LARGE1: variants seen among roughly 807,000 people sequenced by gnomAD.
LARGE1 encodes xylosyl- and glucuronyltransferase LARGE1.
LARGE1 carries 43 observed loss-of-function variants against 87.6 expected under a neutral mutation model. The ratio of observed to expected loss-of-function variants is 0.49; its 90% CI spans 0.38 to 0.63. The LOEUF is 0.63. LARGE1 is among the 30% of genes least tolerant of loss of function. The pLI is 0.00. For missense variants in LARGE1, 802 were observed against 1,000.2 expected (o/e 0.80, Z 2.67); for synonymous variants, 434 against 394.6 (o/e 1.10, Z -1.18).
intron 9 of LARGE1, among the ~76,000 whole-genome samples, chr22:33,376,599 T>C (rs781175663): frequency 6.6e-6 from 1 of 152,238 alleles, no homozygotes; most frequent in Non-Finnish European, 1.5e-5. Context: ...CATAATGATA[T>C]AACAAAGCCT....
Position 33,398,471 on chromosome 22 carries a change from T to C in LARGE1, c.893-14167A>G, listed in dbSNP as rs5998920. ...AAGCTCATCTCAGCTTTCCTTAGTCTGTTTAGACTCACTTGCCGAACTAGA... is the reference window on the plus strand; with the variant it reads ...AAGCTCATCTCAGCTTTCCTTAGTCCGTTTAGACTCACTTGCCGAACTAGA... On this transcript the variant is annotated intron_variant, in intron 7 of 14. Coordinates refer to ENST00000397394, the MANE Select transcript of LARGE1 (RefSeq NM_133642.5). 8.8e-3 allele frequency among the ~76,000 whole-genome samples: 1,344 copies of C among 152,324 alleles called. 19 individuals are homozygous for C. Among genetic ancestry groups the C allele is most frequent in the African/African-American group, 0.031 (1,272 of 41,560 alleles).
chr22:33,787,503 C>T (rs994812635), intron 1 of LARGE1, among the ~76,000 whole-genome samples: 1 of 152,148 alleles, frequency 6.6e-6, no homozygotes, highest in Admixed American at 6.5e-5. Context: ...ATTTTATGAC[C>T]AGTCCTGCCT....
chr22:33,597,918 A>T (rs748225797), intron 5 of LARGE1, among the ~76,000 whole-genome samples: 38 of 152,166 alleles, frequency 2.5e-4, no homozygotes, highest in Non-Finnish European at 4.6e-4. Flanking sequence ...TTAGAACAGG[A>T]TCCTTGGATG....
intron 1 of LARGE1, among the ~76,000 whole-genome samples, chr22:33,902,150 C>T (rs1195121182): frequency 6.6e-6 from 1 of 152,184 alleles, no homozygotes; most frequent in Non-Finnish European, 1.5e-5. Context: ...ACTTTTACGA[C>T]GTGGGCCAAA....
At chr22:33,807,244 G>A (rs9609873) in intron 1 of LARGE1, among the ~76,000 whole-genome samples, 1 of 152,022 alleles carries the variant, frequency 6.6e-6, no homozygotes, top group Non-Finnish European at 1.5e-5. Flanking sequence ...GGACAGTCAT[G>A]TTACCCGCCT....
intron 6 of LARGE1, among the ~76,000 whole-genome samples, chr22:33,448,081 A>G (rs542122320): frequency 3.3e-5 from 5 of 149,814 alleles, no homozygotes; most frequent in South Asian, 2.2e-4. Context: ...TTAGTGGTCA[A>G]TGGGGGACAG....
chr22:33,261,195 C>T (rs1006056467), intron 11 of LARGE1, among the ~76,000 whole-genome samples: 1 of 152,298 alleles, frequency 6.6e-6, no homozygotes, highest in Middle Eastern at 3.4e-3. Flanking sequence ...CCCAGGTTAG[C>T]CTGAAGAGAG....
At chr22:33,884,197 C>A (rs890148704) in intron 1 of LARGE1, among the ~76,000 whole-genome samples, 2 of 152,224 alleles carry the variant, frequency 1.3e-5, no homozygotes, top group African/African-American at 4.8e-5. Context: ...CAAGGCCATG[C>A]GGTTGGCCTC....
At chr22:33,901,842 A>C (rs1294760778) in intron 1 of LARGE1, among the ~76,000 whole-genome samples, 1 of 152,180 alleles carries the variant, frequency 6.6e-6, no homozygotes, top group African/African-American at 2.4e-5. Flanking sequence ...AATTGTACTG[A>C]AATTTCTGGT....
chr22:33,546,230 G>A lies in LARGE1; in HGVS notation c.787+18618C>T, dbSNP rs77248952. 1.7e-3 allele frequency among the ~76,000 whole-genome samples: 264 copies of A among 152,232 alleles called. 1 individual carries two copies. Among genetic ancestry groups the A allele is most frequent in the African/African-American group, 6.0e-3 (248 of 41,536 alleles). ...CTGCCATCACCTTCCCAAACCCTCC[G>A]ATCTCACCAACCACCTGATTCCTTA... On this transcript the variant is annotated intron_variant, in intron 6 of 14. Transcript: ENST00000397394.
intron 2 of LARGE1, among the ~76,000 whole-genome samples, chr22:33,742,149 C>T (rs556152058): frequency 1.3e-5 from 2 of 152,090 alleles, no homozygotes; most frequent in African/African-American, 2.4e-5. Flanking sequence ...GCCCTGGAGT[C>T]CCCCCAACTC....
At chr22:33,467,506 A>C (rs1398529063) in intron 6 of LARGE1, among the ~76,000 whole-genome samples, 1 of 152,232 alleles carries the variant, frequency 6.6e-6, no homozygotes, top group Non-Finnish European at 1.5e-5. Context: ...TGAAGGATTA[A>C]CAGAAGGTTC....
intron 6 of LARGE1, among the ~76,000 whole-genome samples, chr22:33,471,426 T>C (rs2148112229): frequency 6.6e-6 from 1 of 152,248 alleles, no homozygotes. Flanking sequence ...ATAATAATAA[T>C]ACCTCTTATT....
chr22:33,450,616 T>C (rs2067873323), intron 6 of LARGE1, among the ~76,000 whole-genome samples: 1 of 124,472 alleles, frequency 8.0e-6, no homozygotes, highest in Admixed American at 7.4e-5. Flanking sequence ...AATAAATAAA[T>C]AAATAAATAA....
chr22:33,240,293 G>T (rs2145683986), intron 11 of LARGE1, among the ~76,000 whole-genome samples: 2 of 152,204 alleles, frequency 1.3e-5, no homozygotes, highest in South Asian at 4.2e-4. Flanking sequence ...CTTTTTAAGT[G>T]ACTTTTCAAG....
At chr22:33,317,046 T>A (rs1023049387) in intron 10 of LARGE1, among the ~76,000 whole-genome samples, 2 of 151,812 alleles carry the variant, frequency 1.3e-5, no homozygotes, top group Admixed American at 6.6e-5. Context: ...AAACCCTGTC[T>A]CCACAAAAAA....
intron 4 of LARGE1, among the ~76,000 whole-genome samples, chr22:33,615,495 T>TAA (rs5845099): frequency 2.6e-5 from 4 of 151,750 alleles, no homozygotes; most frequent in South Asian, 2.1e-4. Flanking sequence ...AAATAATTTT[T>TAA]AAAAAACCCT....
intron 1 of LARGE1, among the ~76,000 whole-genome samples, chr22:33,813,323 C>G (rs112311137): frequency 5.3e-5 from 8 of 152,054 alleles, no homozygotes; most frequent in African/African-American, 1.9e-4. Flanking sequence ...CTGTCAAGCC[C>G]TAGTCCTGAG....
At chr22:33,633,195 T>C (rs573305391) in intron 3 of LARGE1, among the ~76,000 whole-genome samples, 3 of 152,286 alleles carry the variant, frequency 2.0e-5, no homozygotes, top group African/African-American at 7.2e-5. Context: ...TGGAGGCAAT[T>C]TGATAGTTAA....
Sources: gnomAD v4.1 joint callset for allele counts (sites outside exome capture counted in the v4.1 genomes callset) on GRCh38, gnomAD v4.1.1 for gene constraint, MANE v1.5 for transcripts, NCBI Gene and HGNC (gene_info 2026-07-23, HGNC 2026-07-21) for gene names.